The following SEMA5A variants were observed in gnomAD, a reference collection of about 807,000 sequenced individuals.
The protein encoded by SEMA5A is semaphorin-5A.
SEMA5A carries 55 observed loss-of-function variants against 135.5 expected under a neutral mutation model. The observed-to-expected ratio is 0.41, with a 90% confidence interval of 0.33 to 0.51. The LOEUF is 0.51. Ranked by LOEUF, SEMA5A falls within the 20% of genes least tolerant of loss-of-function variation. SEMA5A has a pLI of 0.37. For missense variants in SEMA5A, 1,290 were observed against 1,419.9 expected (o/e 0.91, Z 1.47); for synonymous variants, 580 against 546.5 (o/e 1.06, Z -0.85).
chr5:9,064,427 A>ATG lies in SEMA5A; in HGVS notation c.2300-1324_2300-1323dup, dbSNP rs558584449. 1.1e-4 allele frequency among the ~76,000 whole-genome samples: 16 copies of ATG among 152,330 alleles called. No individual in the cohort carries two copies. In the South Asian group the frequency reaches 2.9e-3, roughly 28 times the overall value. On this transcript the variant is annotated intron_variant, in intron 17 of 22. Coordinates refer to ENST00000382496, the MANE Select transcript of SEMA5A (RefSeq NM_003966.3). ...ATTGATGATAGACTGGATAAAGAAA[A>ATG]TGTGGCACATATACACCATGGAATA...
chr5:9,049,582 G>T (rs1736456432), intron 21 of SEMA5A, among the ~76,000 whole-genome samples: 1 of 152,212 alleles, frequency 6.6e-6, no homozygotes, highest in South Asian at 2.1e-4. Context: ...TGCCTGTTGG[G>T]CTGGGCTCTC....
At chr5:9,225,389 TAAAAAAAAAAA>T (rs34806769) in intron 7 of SEMA5A, among the ~76,000 whole-genome samples, 41 of 43,120 alleles carry the variant, frequency 9.5e-4, no homozygotes, top group African/African-American at 2.9e-3. Flanking sequence ...CCATCTCTAC[TAAAAAAAAAAA>T]AAAAAAAAAA....
chr5:9,387,381 C>T (rs866199877), intron 2 of SEMA5A, among the ~76,000 whole-genome samples: 21 of 152,176 alleles, frequency 1.4e-4, no homozygotes, highest in South Asian at 8.3e-4. Flanking sequence ...ATGAAGAGGA[C>T]ACTAGCCCCA....
chr5:9,292,003 C>T (rs541267687), intron 5 of SEMA5A, among the ~76,000 whole-genome samples: 24 of 152,068 alleles, frequency 1.6e-4, no homozygotes, highest in Non-Finnish European at 3.1e-4. Context: ...CTGGGATTTG[C>T]GGTGAGGCTG....
intron 3 of SEMA5A, among the ~76,000 whole-genome samples, chr5:9,362,629 C>G (rs576796951): frequency 2.2e-4 from 33 of 152,156 alleles, no homozygotes; most frequent in Non-Finnish European, 4.3e-4. Flanking sequence ...ATTTAAACTA[C>G]TATTTAACCA....
Position 9,302,837 on chromosome 5 carries a change from G to A in SEMA5A, c.270+15535C>T, listed in dbSNP as rs181471720. Among the ~76,000 whole-genome samples, 244 of 152,212 alleles carry A rather than the reference G, an allele frequency of 1.6e-3. 2 individuals are homozygous for A. Among genetic ancestry groups the A allele is most frequent in the East Asian group, 4.8e-3 (25 of 5,182 alleles). ...TAAACAGCAGGAAGAAAAAGAGGCC[G>A]CTTGACAAATACTAATTATAATGTA... On this transcript the variant is annotated intron_variant, in intron 5 of 22. Coordinates refer to ENST00000382496, the MANE Select transcript of SEMA5A (RefSeq NM_003966.3).
chr5:9,369,787 A>C (rs1370749256), intron 3 of SEMA5A, among the ~76,000 whole-genome samples: 1 of 152,030 alleles, frequency 6.6e-6, no homozygotes, highest in African/African-American at 2.4e-5. Flanking sequence ...AACCAAAAAA[A>C]AAAAAATGGC....
chr5:9,085,497 C>T (rs1168975852), intron 16 of SEMA5A, among the ~76,000 whole-genome samples: 2 of 152,202 alleles, frequency 1.3e-5, no homozygotes, highest in Non-Finnish European at 2.9e-5. Context: ...TCTGTGGCTG[C>T]AGAGGGTGCA....
At chr5:9,526,883 A>T (rs1481510793) in intron 1 of SEMA5A, among the ~76,000 whole-genome samples, 3 of 152,230 alleles carry the variant, frequency 2.0e-5, no homozygotes, top group African/African-American at 2.4e-5. Context: ...CATACTCAGT[A>T]AAAGATGCTG....
intron 3 of SEMA5A, among the ~76,000 whole-genome samples, chr5:9,344,369 A>G (rs114871756): frequency 2.0e-5 from 3 of 152,362 alleles, no homozygotes; most frequent in African/African-American, 7.2e-5. Context: ...TTAAAAATCA[A>G]TTTTCCAAGG....
chr5:9,056,893 G>C (rs781685336), intron 18 of SEMA5A, among the ~76,000 whole-genome samples: 1 of 152,218 alleles, frequency 6.6e-6, no homozygotes, highest in Non-Finnish European at 1.5e-5. Flanking sequence ...ATCAAGAGAT[G>C]AATGGATAAA....
At position 9,451,231 on chromosome 5, in the gene SEMA5A, C is replaced by T. The variant is rs190459885; in HGVS notation, c.-174-13379G>A. ...TCTGTCTCTGTCTCCTCACACATCC[C>T]GTCAGAGAAACCATCTAATCATGAA... On this transcript the variant is annotated intron_variant, in intron 1 of 22. Coordinates refer to ENST00000382496, the MANE Select transcript of SEMA5A (RefSeq NM_003966.3). 1.4e-3 allele frequency among the ~76,000 whole-genome samples: 210 copies of T among 152,260 alleles called. 2 individuals carry two copies. Among genetic ancestry groups the T allele is most frequent in the Admixed American group, 9.8e-4 (15 of 15,294 alleles).
chr5:9,133,296 T>G (rs537083376), intron 13 of SEMA5A, among the ~76,000 whole-genome samples: 5 of 152,328 alleles, frequency 3.3e-5, no homozygotes, highest in Admixed American at 2.6e-4. Context: ...TAGAAAGAGA[T>G]GTATAGTTAG....
chr5:9,385,254 T>C (rs554528055), intron 2 of SEMA5A, among the ~76,000 whole-genome samples: 38 of 152,286 alleles, frequency 2.5e-4, no homozygotes, highest in Non-Finnish European at 5.0e-4. Context: ...ACTCCCACGC[T>C]ACAACTGAAA....
At chr5:9,491,448 C>A (rs1301583200) in intron 1 of SEMA5A, among the ~76,000 whole-genome samples, 1 of 151,890 alleles carries the variant, frequency 6.6e-6, no homozygotes, top group Non-Finnish European at 1.5e-5. Flanking sequence ...CCCCCACCAG[C>A]CACACAACCC....
chr5:9,509,330 A>C (rs1318055443), intron 1 of SEMA5A, among the ~76,000 whole-genome samples: 1 of 152,076 alleles, frequency 6.6e-6, no homozygotes, highest in Non-Finnish European at 1.5e-5. Context: ...GCTGGAGTGC[A>C]ATGGCATGAT....
intron 2 of SEMA5A, among the ~76,000 whole-genome samples, chr5:9,400,576 G>A (rs1756616454): frequency 2.1e-5 from 1 of 48,128 alleles, no homozygotes; most frequent in African/African-American, 1.0e-4. Flanking sequence ...GCGGGATCTC[G>A]GCTCACTGCA....
At chr5:9,050,226 C>T (rs1028638318) in intron 21 of SEMA5A, among the ~76,000 whole-genome samples, 184 bp downstream of exon 21, 15 of 152,120 alleles carry the variant, frequency 9.9e-5, no homozygotes, top group African/African-American at 3.4e-4. Context: ...TGAGAACCAC[C>T]GATCGGTACA....
chr5:9,400,816 G>C (rs1156639890), intron 2 of SEMA5A, among the ~76,000 whole-genome samples: 1 of 152,012 alleles, frequency 6.6e-6, no homozygotes, highest in Non-Finnish European at 1.5e-5. Context: ...TCATTGCCCT[G>C]TTAATATTCA....
Sources: gnomAD v4.1 joint callset for allele counts (sites outside exome capture counted in the v4.1 genomes callset) on GRCh38, gnomAD v4.1.1 for gene constraint, MANE v1.5 for transcripts, NCBI Gene and HGNC (gene_info 2026-07-23, HGNC 2026-07-21) for gene names.